The following AGTPBP1 variants were observed in gnomAD, a reference collection of about 807,000 sequenced individuals.
The protein encoded by AGTPBP1 is ATP/GTP binding carboxypeptidase 1.
Under a neutral mutation model 143.9 loss-of-function variants are expected in AGTPBP1, and 70 were observed. That is an observed-to-expected ratio of 0.49 (90% CI 0.40 to 0.59). The LOEUF is 0.59. AGTPBP1 is among the 20% of genes least tolerant of loss of function. The pLI is 0.00. For missense variants in AGTPBP1, 1,229 were observed against 1,464.5 expected (o/e 0.84, Z 2.62); for synonymous variants, 463 against 500.2 (o/e 0.93, Z 0.99).
intron 1 of AGTPBP1, among the ~76,000 whole-genome samples, chr9:85,722,322 T>C (rs1838181263): frequency 6.6e-6 from 1 of 152,232 alleles, no homozygotes; most frequent in South Asian, 2.1e-4. Flanking sequence ...AAACGTAGAT[T>C]TGGTCTTTTC....
At chr9:85,797,114 A>ATC in the AGTPBP1 span, among the ~76,000 whole-genome samples, 5 of 150,934 alleles carry the variant, frequency 3.3e-5, no homozygotes, top group East Asian at 1.9e-4. Context: ...GCTTAGTTTT[A>ATC]TCTCTCTCTC....
chr9:85,624,979 A>G (rs1831180627), intron 14 of AGTPBP1, among the ~76,000 whole-genome samples: 1 of 152,184 alleles, frequency 6.6e-6, no homozygotes, highest in African/African-American at 2.4e-5. Context: ...TGTTTTTTCA[A>G]CCACTGCACA....
At chr9:85,557,987 C>A (rs191854584) in intron 25 of AGTPBP1, among the ~76,000 whole-genome samples, 1 of 152,094 alleles carries the variant, frequency 6.6e-6, no homozygotes, top group Non-Finnish European at 1.5e-5. Context: ...GTTCCCTATA[C>A]CTTATTCGAA....
chr9:85,798,057 AT>A, the AGTPBP1 span, among the ~76,000 whole-genome samples: 920 of 135,496 alleles, frequency 6.8e-3, no homozygotes, highest in African/African-American at 0.013. Context: ...CACATCGGCT[AT>A]TTTTTTTTTT....
chr9:85,689,919 A>T (rs1164330570), intron 3 of AGTPBP1, among the ~76,000 whole-genome samples: 14 of 128,496 alleles, frequency 1.1e-4, no homozygotes, highest in Admixed American at 8.4e-4. Context: ...AAAAAAAAAA[A>T]AAAAAAATAT....
At chr9:85,550,020 T>C (rs1265714180) in intron 25 of AGTPBP1, among the ~76,000 whole-genome samples, 1 of 152,144 alleles carries the variant, frequency 6.6e-6, no homozygotes, top group African/African-American at 2.4e-5. Flanking sequence ...TAGCCACAGC[T>C]TCATTAAGGT....
intron 1 of AGTPBP1, among the ~76,000 whole-genome samples, chr9:85,739,440 G>A (rs1204382343): frequency 6.6e-6 from 1 of 152,208 alleles, no homozygotes; most frequent in African/African-American, 2.4e-5. Flanking sequence ...CGGGCGTGGT[G>A]GCGGACGCCT....
the AGTPBP1 span, chr9:85,764,879 A>G: frequency 1.3e-5 from 16 of 1,256,378 alleles, no homozygotes; most frequent in Admixed American, 1.3e-4. Context: ...ACGAAGACAC[A>G]TTTTTAAGAT....
At chr9:85,761,701 A>G in the AGTPBP1 span, among the ~76,000 whole-genome samples, 8 of 152,078 alleles carry the variant, frequency 5.3e-5, no homozygotes, top group Non-Finnish European at 8.8e-5. Flanking sequence ...TACCATTCAG[A>G]ACATAGGCAT....
In AGTPBP1 at chr9:85,641,280, A is replaced by C. The variant is rs371801467; in HGVS notation, c.1302+1547T>G. ...TCACACAATAATCGATTTCCTCCTC[A>C]AACTTTTTCCACAGTATTCTTCTGC... On this transcript the variant is annotated intron_variant, in intron 13 of 25. Transcript: ENST00000357081. Among the ~76,000 whole-genome samples, 77 of 152,300 alleles carry C rather than the reference A, an allele frequency of 5.1e-4. 1 individual carries two copies. In the South Asian group the frequency reaches 0.014, roughly 27 times the overall value.
At chr9:85,600,815 C>T (rs1262290554) in intron 17 of AGTPBP1, among the ~76,000 whole-genome samples, 2 of 152,104 alleles carry the variant, frequency 1.3e-5, no homozygotes, top group Admixed American at 6.5e-5. Flanking sequence ...CATCCTGCCC[C>T]GAGGCCCAAC....
At chr9:85,685,349 A>C (rs1408043551) in intron 3 of AGTPBP1, among the ~76,000 whole-genome samples, 1 of 151,998 alleles carries the variant, frequency 6.6e-6, no homozygotes, top group African/African-American at 2.4e-5. Flanking sequence ...ATAAATAAAT[A>C]AATAAATCCT....
intron 17 of AGTPBP1, among the ~76,000 whole-genome samples, chr9:85,601,429 C>A (rs13284761): frequency 0.04 from 6,073 of 152,272 alleles, 155 homozygotes; most frequent in Middle Eastern, 0.12. Flanking sequence ...GATCACTCAG[C>A]CATGTCAACC....
At chr9:85,648,415 G>T (rs542031589) in intron 11 of AGTPBP1, among the ~76,000 whole-genome samples, 2 of 152,146 alleles carry the variant, frequency 1.3e-5, no homozygotes, top group Non-Finnish European at 1.5e-5. Flanking sequence ...ATGGTAACCT[G>T]GGTTGATTTA....
At position 85,659,609 on chromosome 9, in the gene AGTPBP1, T is replaced by C. The variant is rs189084687; in HGVS notation, c.700+1327A>G. ...AGACTACTACTAAAAACTGAAAATA[T>C]TAAATTACAGTAATCATGGATTGAT... On this transcript the variant is annotated intron_variant, in intron 9 of 25. Transcript: ENST00000357081. Among the ~76,000 whole-genome samples the C allele has an allele frequency of 1.5e-4, 23 of 152,246 alleles. 1 individual carries two copies. Among genetic ancestry groups the C allele is most frequent in the African/African-American group, 5.5e-4 (23 of 41,560 alleles).
intron 17 of AGTPBP1, among the ~76,000 whole-genome samples, chr9:85,598,031 T>C (rs1829410526): frequency 6.6e-6 from 1 of 152,166 alleles, no homozygotes; most frequent in South Asian, 2.1e-4. Context: ...ACCATCTATT[T>C]TTTAAAGGAT....
At chr9:85,618,897 A>G (rs1030309005) in intron 17 of AGTPBP1, 86 bp downstream of exon 17, 1 of 1,411,130 alleles carries the variant, frequency 7.1e-7, no homozygotes, top group Non-Finnish European at 9.5e-7. Flanking sequence ...ACATTTTTTA[A>G]AAGTTGACAA....
chr9:85,609,037 A>G (rs544950771), intron 17 of AGTPBP1, among the ~76,000 whole-genome samples: 5 of 152,276 alleles, frequency 3.3e-5, no homozygotes, highest in South Asian at 4.1e-4. Flanking sequence ...GTAAATATGG[A>G]AAGAAAACAA....
intron 17 of AGTPBP1, among the ~76,000 whole-genome samples, chr9:85,607,888 C>G (rs1396543153): frequency 6.6e-6 from 1 of 151,952 alleles, no homozygotes; most frequent in African/African-American, 2.4e-5. Context: ...TTATTTACAC[C>G]CAATGACTCT....
Sources: gnomAD v4.1 joint callset for allele counts (sites outside exome capture counted in the v4.1 genomes callset) on GRCh38, gnomAD v4.1.1 for gene constraint, MANE v1.5 for transcripts, NCBI Gene and HGNC (gene_info 2026-07-23, HGNC 2026-07-21) for gene names.